Variants in MYO1D observed in about 807,000 individuals in gnomAD.
MYO1D encodes the protein myosin ID, also known as unconventional myosin-Id.
Under a neutral mutation model 122.0 loss-of-function variants are expected in MYO1D, and 83 were observed. The observed-to-expected ratio is 0.68, with a 90% confidence interval of 0.57 to 0.82. The LOEUF (loss-of-function observed/expected upper bound fraction) is 0.82. Ranked by LOEUF, MYO1D falls within the 40% of genes least tolerant of loss-of-function variation. The pLI is 0.00. For missense variants in MYO1D, 1,157 were observed against 1,269.5 expected (o/e 0.91, Z 1.35); for synonymous variants, 464 against 446.9 (o/e 1.04, Z -0.48).
intron 1 of MYO1D, chr17:32,792,599 G>A (rs1352673879): frequency 5.9e-5 from 9 of 152,108 alleles, no homozygotes; most frequent in African/African-American, 2.2e-4. Flanking sequence ...TTCCTGAGAT[G>A]GACAGGGACC....
At chr17:32,728,210 ATT>A (rs34100497) in intron 14 of MYO1D, among the ~76,000 whole-genome samples, 8 of 144,582 alleles carry the variant, frequency 5.5e-5, no homozygotes, top group Non-Finnish European at 6.1e-5. Flanking sequence ...ATTGAATGCA[ATT>A]TTTTTTTTTT....
chr17:32,819,327 T>C (rs2090640683), intron 1 of MYO1D, among the ~76,000 whole-genome samples: 1 of 151,716 alleles, frequency 6.6e-6, no homozygotes, highest in African/African-American at 2.4e-5. Flanking sequence ...AATTCTGGGG[T>C]AGAAATCACT....
At chr17:32,653,604 C>T (rs1040130746) in intron 19 of MYO1D, among the ~76,000 whole-genome samples, 2 of 71,534 alleles carry the variant, frequency 2.8e-5, no homozygotes, top group Admixed American at 3.2e-4. Context: ...AAAACTCCGT[C>T]TCCAAAAAAA....
intron 15 of MYO1D, among the ~76,000 whole-genome samples, chr17:32,720,045 A>G (rs755441317): frequency 6.6e-6 from 1 of 152,062 alleles, no homozygotes; most frequent in Non-Finnish European, 1.5e-5. Context: ...TGACCAACTA[A>G]TCTAAAGTAT....
intron 8 of MYO1D, 55 bp downstream of exon 8, chr17:32,764,823 C>A: frequency 6.4e-7 from 1 of 1,567,890 alleles, no homozygotes; most frequent in African/African-American, 1.4e-5. Context: ...CAGGATTTCA[C>A]TCAATTTGCA....
chr17:32,683,882 T>C (rs1190776598), intron 16 of MYO1D, among the ~76,000 whole-genome samples: 1 of 151,870 alleles, frequency 6.6e-6, no homozygotes, highest in African/African-American at 2.4e-5. Context: ...CAGACTGCTG[T>C]GCTAGCAATC....
chr17:32,524,337 C>G (rs1200140127), intron 21 of MYO1D, among the ~76,000 whole-genome samples: 1 of 152,092 alleles, frequency 6.6e-6, no homozygotes, highest in Non-Finnish European at 1.5e-5. Flanking sequence ...CTAAAACACT[C>G]TCTGCGCTAA....
At chr17:32,800,121 A>G (rs2090448347) in intron 1 of MYO1D, among the ~76,000 whole-genome samples, 1 of 152,176 alleles carries the variant, frequency 6.6e-6, no homozygotes, top group South Asian at 2.1e-4. Context: ...TTTGGAAGAC[A>G]GTATAGAGTT....
At chr17:32,561,895 A>G (rs909111650) in intron 21 of MYO1D, among the ~76,000 whole-genome samples, 5 of 152,318 alleles carry the variant, frequency 3.3e-5, no homozygotes, top group African/African-American at 9.6e-5. Flanking sequence ...TTATCAAGCA[A>G]TATGTCCTCA....
intron 21 of MYO1D, chr17:32,498,803 A>G (rs1314651383): frequency 6.6e-6 from 1 of 152,232 alleles, no homozygotes; most frequent in African/African-American, 2.4e-5. Context: ...TTCTTTACAC[A>G]TTTTAGCATA....
intron 1 of MYO1D, among the ~76,000 whole-genome samples, chr17:32,787,099 A>G (rs748757298): frequency 6.6e-6 from 1 of 152,130 alleles, no homozygotes; most frequent in Non-Finnish European, 1.5e-5. Context: ...CATTTTTTCA[A>G]GAGATAAAAA....
chr17:32,544,735 G>C (rs1396483680), intron 21 of MYO1D, among the ~76,000 whole-genome samples: 1 of 152,170 alleles, frequency 6.6e-6, no homozygotes, highest in African/African-American at 2.4e-5. Context: ...TATCACATCA[G>C]TCAGGCAGTT....
At chr17:32,829,143 A>G (rs949880825) in intron 1 of MYO1D, among the ~76,000 whole-genome samples, 4 of 152,268 alleles carry the variant, frequency 2.6e-5, no homozygotes, top group African/African-American at 9.6e-5. Flanking sequence ...TTGAAATAGT[A>G]GCAAAAAGAG....
intron 21 of MYO1D, among the ~76,000 whole-genome samples, chr17:32,543,508 G>A (rs141565215): frequency 0.011 from 1,681 of 151,392 alleles, 8 homozygotes; most frequent in East Asian, 0.046. Context: ...CCCAGGAGGC[G>A]GAGCTTGCAG....
At chr17:32,637,492 G>A (rs1322741224) in intron 20 of MYO1D, among the ~76,000 whole-genome samples, 3 of 152,138 alleles carry the variant, frequency 2.0e-5, no homozygotes, top group South Asian at 2.1e-4. Context: ...TCAACTTGGC[G>A]AAACCCCTCA....
intron 1 of MYO1D, among the ~76,000 whole-genome samples, chr17:32,787,142 A>G (rs2090305243): frequency 6.6e-6 from 1 of 152,158 alleles, no homozygotes. Context: ...ACCAGAAGAG[A>G]GAAAAAAAAT....
chr17:32,726,672 T>C (rs1205191784), intron 14 of MYO1D, among the ~76,000 whole-genome samples: 4 of 149,302 alleles, frequency 2.7e-5, no homozygotes, highest in Admixed American at 6.7e-5. Flanking sequence ...ATAGGTAATA[T>C]AGATACAGAT....
chr17:32,500,606 G>A (rs981055323), intron 21 of MYO1D, among the ~76,000 whole-genome samples: 10 of 152,134 alleles, frequency 6.6e-5, no homozygotes, highest in South Asian at 4.1e-4. Flanking sequence ...GCTCACCACC[G>A]AACAACAAGG....
intron 21 of MYO1D, among the ~76,000 whole-genome samples, chr17:32,578,852 C>T (rs1428639042): frequency 1.3e-5 from 2 of 151,994 alleles, no homozygotes; most frequent in African/African-American, 4.8e-5. Flanking sequence ...CCATCCTGGC[C>T]CCTTTTCACT....
Sources: gnomAD v4.1 joint callset for allele counts (sites outside exome capture counted in the v4.1 genomes callset) on GRCh38, gnomAD v4.1.1 for gene constraint, MANE v1.5 for transcripts, NCBI Gene and HGNC (gene_info 2026-07-23, HGNC 2026-07-21) for gene names.